Variants in ABHD14B observed in about 807,000 individuals in gnomAD.
ABHD14B encodes putative protein-lysine deacylase ABHD14B.
Under a neutral mutation model 15.4 loss-of-function variants are expected in ABHD14B, and 19 were observed. The ratio of observed to expected loss-of-function variants is 1.23; its 90% CI spans 0.86 to 1.81. The LOEUF is 1.81. Ranked by LOEUF, ABHD14B falls within the 40% of genes most tolerant of loss-of-function variation. ABHD14B has a pLI of 0.00. For missense variants in ABHD14B, 243 were observed against 267.0 expected (o/e 0.91, Z 0.63); for synonymous variants, 92 against 117.3 (o/e 0.78, Z 1.39).
chr3:51,974,445 C>T, upstream of ABHD14B: 1 of 242,568 alleles, frequency 4.1e-6, no homozygotes, highest in African/African-American at 2.3e-5. Flanking sequence ...TCCCAATGCC[C>T]CCGAGCCTGT....
rs35772258 is a variant in ABHD14B at position 51,973,044 on chromosome 3, A to ATT, written c.-29+919_-29+920dup. 2.2e-3 allele frequency among the ~76,000 whole-genome samples: 287 copies of ATT among 132,300 alleles called. 2 individuals are homozygous for ATT. The South Asian group carries it at 0.031, about 14-fold the overall frequency. 86.8% of individuals were successfully genotyped at this position (132,300 alleles called of 152,430 possible). A position where few individuals can be genotyped will look rare whatever the true frequency, so the allele number is the denominator to read the frequency against. On this transcript the variant is annotated intron_variant, in intron 1 of 3. Transcript: ENST00000361143. ...AGGCGTGCGTCACCATGCCTGGCTA[A>ATT]TTTTTTTTTTTTTTTTTTTGAGACG...
chr3:51,972,379 GAT>G, intron 1 of ABHD14B, among the ~76,000 whole-genome samples: 6 of 151,578 alleles, frequency 4.0e-5, no homozygotes. Context: ...AGATCTCCCT[GAT>G]GAACATGCAG....
chr3:51,969,449 C>T lies in ABHD14B; in HGVS notation c.610G>A (p.Asp204Asn). ...KPEEWHTGLL[D>N]FLQGLQ Reference sequence around the variant, plus strand: ...CTTCACTGGAGCCCCTGCAGGAAGTCCAGCAGCCCTGTATGCCACTCCTCT... The same window carrying T: ...CTTCACTGGAGCCCCTGCAGGAAGTTCAGCAGCCCTGTATGCCACTCCTCT... Residue 204 changes from aspartate to asparagine, a missense_variant, in exon 4 of 4, where the codon GAC (aspartate) becomes AAC (asparagine). Coordinates refer to ENST00000361143, the MANE Select transcript of ABHD14B (RefSeq NM_001146314.2). The T allele has an allele frequency of 1.9e-6, 3 of 1,612,830 alleles. No individual in the cohort carries two copies. Among genetic ancestry groups the T allele is most frequent in the Non-Finnish European group, 2.5e-6 (3 of 1,179,488 alleles).
rs745377614 is a variant in ABHD14B, at chr3:51,970,187, G to C, written c.212-3C>G. 6.6e-7 allele frequency: 1 copy of C among 1,524,030 alleles called. No individual in the cohort carries two copies. The allele number at this position is 1,524,030 out of a possible 1,614,324, so 94.4% of individuals were successfully genotyped here. ...TGCTTCCTTGGAGTGCCCCAGACCT[G>C]CAGGGATTCAGGTGTGAAAGAGACA... On this transcript the variant is annotated splice_region_variant and splice_polypyrimidine_tract_variant and intron_variant, in intron 2 of 3. Coordinates refer to ENST00000361143, the MANE Select transcript of ABHD14B (RefSeq NM_001146314.2).
intron 1 of ABHD14B, among the ~76,000 whole-genome samples, chr3:51,973,018 CA>C (rs1319924773): frequency 6.6e-6 from 1 of 151,590 alleles, no homozygotes; most frequent in Non-Finnish European, 1.5e-5. Flanking sequence ...GCTGGGTTTA[CA>C]GGCGTGCGTC....
intron 2 of ABHD14B, 50 bp from the exon 3 acceptor site, chr3:51,970,234 A>T: frequency 6.6e-7 from 1 of 1,515,290 alleles, no homozygotes; most frequent in South Asian, 1.3e-5. Flanking sequence ...GTGAATGGCA[A>T]AACAAGGGAG....
chr3:51,971,318 G>A, intron 2 of ABHD14B, 142 bp downstream of exon 2: 1 of 1,007,950 alleles, frequency 9.9e-7, no homozygotes, highest in South Asian at 2.1e-5. Context: ...ACGCTGTCAA[G>A]TTCAGGGCCC....
intron 2 of ABHD14B, chr3:51,971,232 AGTGAGGAGCAGCTGGGCG>A: frequency 1.9e-6 from 1 of 516,478 alleles, no homozygotes; most frequent in Non-Finnish European, 3.5e-6. Flanking sequence ...CCCAGGTAAC[AGTGAGGAGCAGCTGGGCG>A]GTGAGGACCA....
At position 51,969,339 on chromosome 3, in the gene ABHD14B, T is replaced by G; in HGVS notation, c.*87A>C. On this transcript the variant is annotated 3_prime_UTR_variant, in exon 4 of 4. Transcript: ENST00000361143. ...GACAGACGCACCTGTTGCATGTGCA[T>G]GAGCCAGAGCCTGGGAGAGAAGAGA... 6.9e-7 allele frequency: 1 copy of G among 1,451,968 alleles called. No individual in the cohort carries two copies. The highest frequency in any genetic ancestry group is 9.3e-7 in the Non-Finnish European group (1 of 1,077,042). 89.9% of individuals were successfully genotyped at this position (1,451,968 alleles called of 1,614,324 possible). A position where few individuals can be genotyped will look rare whatever the true frequency, so the allele number is the denominator to read the frequency against.
chr3:51,973,527 T>C (rs1332677009), intron 1 of ABHD14B, among the ~76,000 whole-genome samples: 1 of 150,602 alleles, frequency 6.6e-6, no homozygotes, highest in Non-Finnish European at 1.5e-5. Flanking sequence ...TTCTTTTTTT[T>C]TTTTTTAAGA....
At chr3:51,971,346 C>T (rs1700649220) in intron 2 of ABHD14B, 114 bp downstream of exon 2, 4 of 1,287,000 alleles carry the variant, frequency 3.1e-6, no homozygotes, top group Admixed American at 3.0e-5. Context: ...CTGGGTCCTC[C>T]AGATCCCACC....
chr3:51,971,892 T>C, intron 1 of ABHD14B, 194 bp from the exon 2 acceptor site: 2 of 1,152,946 alleles, frequency 1.7e-6, no homozygotes, highest in African/African-American at 1.6e-5. Context: ...AGCTTCTTGA[T>C]CTGAAATATG....
intron 1 of ABHD14B, among the ~76,000 whole-genome samples, chr3:51,972,235 A>C (rs1302293623): frequency 2.3e-5 from 3 of 130,400 alleles, no homozygotes; most frequent in Non-Finnish European, 4.9e-5. Flanking sequence ...AGACTCGGTC[A>C]CAAAAAAAAA....
In ABHD14B at chr3:51,969,379, G is replaced by C. The variant is rs1298319456; in HGVS notation, c.*47C>G. On this transcript the variant is annotated 3_prime_UTR_variant, in exon 4 of 4. Coordinates refer to ENST00000361143, the MANE Select transcript of ABHD14B (RefSeq NM_001146314.2). ...GAGAGAAGAGAGAGCGTGCAAGAGA[G>C]AGCTCAGAGCAGGCAGGCAGCCCAC... 1 of 1,557,124 alleles carries C rather than the reference G, an allele frequency of 6.4e-7. No individual in the cohort carries two copies. The highest frequency in any genetic ancestry group is 1.4e-5 in the African/African-American group (1 of 73,220).
chr3:51,969,445 A>T lies in ABHD14B; in HGVS notation c.614T>A (p.Phe205Tyr), dbSNP rs746615258. The T allele has an allele frequency of 6.2e-7, 1 of 1,612,596 alleles. No individual in the cohort carries two copies. Among genetic ancestry groups the T allele is most frequent in the Non-Finnish European group, 8.5e-7 (1 of 1,179,370 alleles). ...PEEWHTGLLD[F>Y]LQGLQ ...TGGGCTTCACTGGAGCCCCTGCAGGAAGTCCAGCAGCCCTGTATGCCACTC... is the reference window on the plus strand; with the variant it reads ...TGGGCTTCACTGGAGCCCCTGCAGGTAGTCCAGCAGCCCTGTATGCCACTC... Residue 205 changes from phenylalanine to tyrosine, a missense_variant, in exon 4 of 4, where the codon TTC (phenylalanine) becomes TAC (tyrosine). Coordinates refer to ENST00000361143, the MANE Select transcript of ABHD14B (RefSeq NM_001146314.2).
rs960977181 is a variant in ABHD14B at position 51,973,391 on chromosome 3, G to A, written c.-29+574C>T. Among the ~76,000 whole-genome samples the A allele has an allele frequency of 1.0e-4, 15 of 149,324 alleles. 1 individual carries two copies. The highest frequency in any genetic ancestry group is 3.5e-4 in the African/African-American group (14 of 40,328). Reference sequence around the variant, plus strand: ...AGTAGAAACGGGGTTTCATCATGTTGGCCGAGCTGGTCCGGAACTCCTGAC... The same window carrying A: ...AGTAGAAACGGGGTTTCATCATGTTAGCCGAGCTGGTCCGGAACTCCTGAC... On this transcript the variant is annotated intron_variant, in intron 1 of 3. Transcript: ENST00000361143.
rs751507728 is a variant in ABHD14B, at chr3:51,970,085, G to A, written c.311C>T (p.Pro104Leu). The A allele has an allele frequency of 1.2e-6, 2 of 1,606,154 alleles. No homozygotes were observed. Among genetic ancestry groups the A allele is most frequent in the Non-Finnish European group, 1.7e-6 (2 of 1,175,056 alleles). ...AAVVDALELGPPVVISPSLSG... is the reference protein window; with the variant it reads ...AAVVDALELGLPVVISPSLSG... ...CAGTGATGGACTGATCACAACCGGG[G>A]GGCCCAGCTCCAAGGCATCCACCAC... Residue 104 changes from proline (P) to leucine (L), a missense_variant, in exon 3 of 4, where the codon CCC (proline) becomes CTC (leucine). Physicochemically the swap from Pro to Leu is moderately conservative, Grantham distance 98 (BLOSUM62 -3). Coordinates refer to ENST00000361143, the MANE Select transcript of ABHD14B (RefSeq NM_001146314.2).
rs866247755 is a variant in ABHD14B, at chr3:51,973,271, C to T, written c.-29+694G>A. 4.6e-5 allele frequency among the ~76,000 whole-genome samples: 7 copies of T among 151,000 alleles called. No individual in the cohort carries two copies. In the South Asian group the frequency reaches 1.5e-3, roughly 32 times the overall value. On this transcript the variant is annotated intron_variant, in intron 1 of 3. Coordinates refer to ENST00000361143, the MANE Select transcript of ABHD14B (RefSeq NM_001146314.2). The stretch of plus-strand genomic sequence containing the variant: ...TTCGCCGTGTTAGCCAGGGTGGTCT[C>T]GATCTCCTGACCTCGTGATCCGCCC...
intron 2 of ABHD14B, chr3:51,970,740 C>T (rs1358496095): frequency 1.3e-5 from 6 of 456,716 alleles, no homozygotes; most frequent in Admixed American, 9.4e-5. Context: ...TCAAGCCAAC[C>T]CACCATTGGA....
Sources: gnomAD v4.1 joint callset for allele counts (sites outside exome capture counted in the v4.1 genomes callset) on GRCh38, gnomAD v4.1.1 for gene constraint, MANE v1.5 for transcripts, NCBI Gene and HGNC (gene_info 2026-07-23, HGNC 2026-07-21) for gene names.